Variants in TRMT61B observed in about 807,000 individuals in gnomAD.
TRMT61B encodes the protein tRNA (adenine(58)-N(1))-methyltransferase, mitochondrial.
TRMT61B carries 56 observed loss-of-function variants against 52.0 expected under a neutral mutation model. The ratio of observed to expected loss-of-function variants is 1.08; its 90% CI spans 0.87 to 1.35. TRMT61B has a LOEUF of 1.35. Ranked by LOEUF, TRMT61B falls within the 40% of genes most tolerant of loss-of-function variation. The pLI, the probability that TRMT61B is intolerant of heterozygous loss-of-function variation, is 0.00. For missense variants in TRMT61B, 650 were observed against 577.9 expected, an observed-to-expected ratio of 1.12 and a Z score of -1.28; for synonymous variants, 206 against 220.0, an observed-to-expected ratio of 0.94 and a Z score of 0.56.
chr2:28,867,859 T>G (rs1041139867), intron 1 of TRMT61B, among the ~76,000 whole-genome samples: 9 of 151,986 alleles, frequency 5.9e-5, no homozygotes, highest in Non-Finnish European at 1.5e-5. Flanking sequence ...GAGACCAGTC[T>G]GGGCAAGTTA....
rs1050366454 is a variant in TRMT61B, at chr2:28,850,365, A to G, written c.1353T>C (p.Tyr451=). 3 of 1,610,704 alleles carry G rather than the reference A, an allele frequency of 1.9e-6. No homozygotes were observed. The highest frequency in any genetic ancestry group is 2.5e-6 in the Non-Finnish European group (3 of 1,178,402). ...GTTGCCAGTGTACTGGTCTAGCAAC[A>G]TAGGGAAATGATCCATATGGAAAAT... ...HSDFPYGSFP[Y]VARPVHWQPG... The change falls in exon 6 of 7, where the codon TAT becomes TAC. Residue 451 remains tyrosine, a synonymous_variant. Coordinates refer to ENST00000306108, the MANE Select transcript of TRMT61B (RefSeq NM_017910.4).
At position 28,861,148 on chromosome 2, in the gene TRMT61B, G is replaced by A. The variant is rs372624066; in HGVS notation, c.963C>T (p.Thr321=). The A allele has an allele frequency of 4.5e-5, 72 of 1,606,116 alleles. No individual in the cohort carries two copies. Among genetic ancestry groups the A allele is most frequent in the Non-Finnish European group, 5.8e-5 (68 of 1,177,858 alleles). ...DFIHKDISGA[T]EDIKSLTFDA... is the part of the protein sequence containing the mutation. The stretch of plus-strand genomic sequence containing the variant: ...CAAATGTTAAAGATTTTATGTCTTC[G>A]GTTGCTCCTGAAATGTCCTTATGAA... The change falls in exon 3 of 7, where the codon ACC becomes ACT. Residue 321 remains threonine, a synonymous_variant. Transcript: ENST00000306108.
intron 3 of TRMT61B, among the ~76,000 whole-genome samples, chr2:28,852,814 C>G (rs578019761): frequency 1.3e-5 from 2 of 151,822 alleles, no homozygotes; most frequent in South Asian, 4.2e-4. Flanking sequence ...AAAAAAGTAG[C>G]TGGATGCAGT....
At position 28,870,060 on chromosome 2, in the gene TRMT61B, C is replaced by T. The variant is rs1019301580; in HGVS notation, c.218G>A (p.Ser73Asn). The change falls in exon 1 of 7, where the codon AGC (serine) becomes AAC (asparagine). Residue 73 changes from serine to asparagine, a missense_variant. Ser to Asn is a conservative substitution (Grantham distance 46). Coordinates refer to ENST00000306108, the MANE Select transcript of TRMT61B (RefSeq NM_017910.4). ...GAESCPSLPLSISDIGTGCLS... is the reference protein window; with the variant it reads ...GAESCPSLPLNISDIGTGCLS... Reference sequence around the variant, plus strand: ...ACATCCAGTCCCAATGTCCGAGATGCTCAGAGGGAGAGATGGGCAAGACTC... The same window carrying T: ...ACATCCAGTCCCAATGTCCGAGATGTTCAGAGGGAGAGATGGGCAAGACTC... 1 of 1,613,610 alleles carries T rather than the reference C, an allele frequency of 6.2e-7. No individual in the cohort carries two copies. Among genetic ancestry groups the T allele is most frequent in the East Asian group, 2.2e-5 (1 of 44,880 alleles).
intron 3 of TRMT61B, among the ~76,000 whole-genome samples, chr2:28,858,674 A>G (rs1026597683): frequency 2.0e-5 from 3 of 150,922 alleles, no homozygotes; most frequent in Non-Finnish European, 4.4e-5. Context: ...GGGCGCCCGT[A>G]ATCCCAGCTA....
rs1408108123 is a variant in TRMT61B at position 28,870,225 on chromosome 2, AGCCCCT to A, written c.47_52del (p.Gln16_Gly17del). 6.2e-7 allele frequency: 1 copy of A among 1,609,146 alleles called. No homozygotes were observed. The highest frequency in any genetic ancestry group is 8.5e-7 in the Non-Finnish European group (1 of 1,179,086). ...GCCGTGCAGGAATGAATTGGTTCCG[AGCCCCT>A]GCCGCAGGCACAGCAAGACAGGACC... On this transcript the variant is annotated inframe_deletion, in exon 1 of 7. Transcript: ENST00000306108.
rs1177518395 is a variant in TRMT61B at position 28,869,928 on chromosome 2, T to C, written c.350A>G (p.Gln117Arg). The C allele has an allele frequency of 6.2e-7, 1 of 1,613,858 alleles. No individual in the cohort carries two copies. The highest frequency in any genetic ancestry group is 2.2e-5 in the East Asian group (1 of 44,872). Residue 117 changes from glutamine to arginine, a missense_variant, in exon 1 of 7, where the codon CAG (glutamine) becomes CGG (arginine). Transcript: ENST00000306108. ...GDQGRCGPTH[Q>R]GSEDPSMLSQ... ...GAGCATCGAAGGATCCTCGGATCCC[T>C]GGTGTGTGGGACCGCACCGGCCCTG...
chr2:28,855,591 G>C (rs1049075347), intron 3 of TRMT61B, among the ~76,000 whole-genome samples: 1 of 152,198 alleles, frequency 6.6e-6, no homozygotes, highest in African/African-American at 2.4e-5. Context: ...TTACTAATGA[G>C]GAAAATGATG....
chr2:28,870,152 G>A lies in TRMT61B; in HGVS notation c.126C>T (p.Ser42=). The A allele has an allele frequency of 1.2e-6, 2 of 1,613,896 alleles. No homozygotes were observed. Among genetic ancestry groups the A allele is most frequent in the African/African-American group, 2.7e-5 (2 of 75,070 alleles). ...FEGARSLCCR[S]SPRDLRDGER... The stretch of plus-strand genomic sequence containing the variant: ...CTCCATCTCGCAGGTCTCTAGGCGA[G>A]GACCTGCAACACAGTGACCGAGCTC... Residue 42 remains serine (S), a synonymous_variant, in exon 1 of 7, where the codon TCC becomes TCT. Transcript: ENST00000306108.
intron 3 of TRMT61B, among the ~76,000 whole-genome samples, chr2:28,858,189 C>T (rs1166765554): frequency 1.3e-5 from 2 of 151,864 alleles, no homozygotes; most frequent in Non-Finnish European, 2.9e-5. Context: ...TACAGGCACC[C>T]GCCACCAGGC....
In TRMT61B at chr2:28,850,227, A is replaced by T. The variant is rs1258376501; in HGVS notation, c.1406T>A (p.Leu469Ter). The change falls in exon 7 of 7, where the codon TTG becomes TAG. Residue 469 changes from leucine (L) to a stop codon, truncating the protein, a stop_gained. Transcript: ENST00000306108. LOFTEE classifies it high-confidence loss of function. ...GTTAAGTTGTGGTTTGACCTTCCTC[A>T]ACTTGACAAGAAAAGCTAATTTAAG... The part of the protein sequence containing the change: ...QPGHTAFLVK[L>*]RKVKPQLN 6.2e-7 allele frequency: 1 copy of T among 1,611,972 alleles called. No individual in the cohort carries two copies. Among genetic ancestry groups the T allele is most frequent in the Admixed American group, 1.7e-5 (1 of 59,960 alleles).
At chr2:28,859,019 C>T (rs1390146032) in intron 3 of TRMT61B, among the ~76,000 whole-genome samples, 2 of 151,104 alleles carry the variant, frequency 1.3e-5, no homozygotes, top group Non-Finnish European at 3.0e-5. Flanking sequence ...CTCGGCCTCC[C>T]AAGTAGCTGG....
chr2:28,852,523 G>T (rs373862161), intron 3 of TRMT61B, 24 bp from the exon 4 acceptor site: 5 of 1,452,928 alleles, frequency 3.4e-6, no homozygotes, highest in Non-Finnish European at 4.8e-6. Flanking sequence ...AAAGAGAACT[G>T]GATCAGTCTG....
chr2:28,863,820 T>C (rs1217313063), intron 2 of TRMT61B, among the ~76,000 whole-genome samples: 1 of 152,210 alleles, frequency 6.6e-6, no homozygotes, highest in Non-Finnish European at 1.5e-5. Flanking sequence ...AATTTCAGCA[T>C]ATTTCTATCT....
intron 3 of TRMT61B, among the ~76,000 whole-genome samples, chr2:28,856,137 T>G (rs62131977): frequency 0.17 from 25,181 of 152,162 alleles, 2,693 homozygotes; most frequent in Non-Finnish European, 0.24. Context: ...CAATTCTCAG[T>G]TAACAGCATT....
At chr2:28,861,673 T>G (rs1264481395) in intron 2 of TRMT61B, among the ~76,000 whole-genome samples, 1 of 152,244 alleles carries the variant, frequency 6.6e-6, no homozygotes, top group African/African-American at 2.4e-5. Flanking sequence ...GGCATTATAT[T>G]CACTGTATGG....
intron 2 of TRMT61B, among the ~76,000 whole-genome samples, chr2:28,863,569 A>G (rs1462081929): frequency 6.6e-6 from 1 of 152,210 alleles, no homozygotes; most frequent in Non-Finnish European, 1.5e-5. Context: ...CTGATACTAT[A>G]TATTTTAGAA....
chr2:28,851,873 T>C (rs1669114946), intron 4 of TRMT61B, among the ~76,000 whole-genome samples: 1 of 103,436 alleles, frequency 9.7e-6, no homozygotes, highest in African/African-American at 4.2e-5. Context: ...AGCGAGACTC[T>C]GTCTCAAAAA....
In TRMT61B at chr2:28,850,124, A is replaced by C. The variant is rs999771711; in HGVS notation, c.*75T>G. On this transcript the variant is annotated 3_prime_UTR_variant, in exon 7 of 7. Transcript: ENST00000306108. ...AATAGCTAAAAATGCCAATCTATGGAAGCAGTGATTTTCAATATAAAGTTC... is the reference window on the plus strand; with the variant it reads ...AATAGCTAAAAATGCCAATCTATGGCAGCAGTGATTTTCAATATAAAGTTC... The C allele has an allele frequency of 7.2e-7, 1 of 1,393,304 alleles. No individual in the cohort carries two copies. The highest frequency in any genetic ancestry group is 1.0e-6 in the Non-Finnish European group (1 of 997,174). The allele number at this position is 1,393,304 out of a possible 1,614,324, so 86.3% of individuals were successfully genotyped here.
Sources: allele counts gnomAD v4.1 joint callset (sites outside exome capture counted in the v4.1 genomes callset), GRCh38; gene constraint gnomAD v4.1.1; transcripts MANE v1.5; gene names NCBI Gene and HGNC (gene_info 2026-07-23, HGNC 2026-07-21).